The following MSRB3 variants were observed in gnomAD, a reference collection of about 807,000 sequenced individuals.
The protein encoded by MSRB3 is methionine-R-sulfoxide reductase B3.
In MSRB3, 13 loss-of-function variants were observed where a neutral mutation model predicts 21.0. The ratio of observed to expected loss-of-function variants is 0.62; its 90% CI spans 0.40 to 0.98. The LOEUF (loss-of-function observed/expected upper bound fraction) is 0.98, where lower values mean the gene tolerates loss of function less well. MSRB3 is among the 50% of genes least tolerant of loss of function. The pLI is 0.00. For missense variants in MSRB3, 199 were observed against 230.3 expected (o/e 0.86, Z 0.88); for synonymous variants, 87 against 88.6 (o/e 0.98, Z 0.10).
rs796149617 is a variant in MSRB3, at chr12:65,282,676, G to GTTT, written c.-52+3826_-52+3828dup. Among the ~76,000 whole-genome samples, 72 of 133,762 alleles carry GTTT rather than the reference G, an allele frequency of 5.4e-4. 1 individual carries two copies. Among genetic ancestry groups the GTTT allele is most frequent in the African/African-American group, 1.1e-3 (38 of 36,054 alleles). 87.8% of individuals were successfully genotyped at this position (133,762 alleles called of 152,430 possible). On this transcript the variant is annotated intron_variant, in intron 1 of 6. Coordinates refer to ENST00000308259, the MANE Select transcript of MSRB3 (RefSeq NM_001031679.3). ...GCTTCACTGTTTTTTCTTTGCTGGT[G>GTTT]TTTTTTTTTTTTTTTTTCTCTTCAT...
chr12:65,460,485 G>T, intron 6 of MSRB3, among the ~76,000 whole-genome samples: 1 of 152,202 alleles, frequency 6.6e-6, no homozygotes. Context: ...CGGCAGTGGG[G>T]CGGGGATGTA....
At position 65,393,551 on chromosome 12, in the gene MSRB3, A is replaced by T. The variant is rs571829583; in HGVS notation, c.292+24525A>T. ...GAGGCTGAGGCACGAGAATGGCGTG[A>T]ACCTGGGAGGCGGAGCTTGCGGTGA... is the stretch of plus-strand genomic sequence containing the variant. On this transcript the variant is annotated intron_variant, in intron 5 of 6. Transcript: ENST00000308259. Among the ~76,000 whole-genome samples, 16 of 150,594 alleles carry T rather than the reference A, an allele frequency of 1.1e-4. No individual in the cohort carries two copies. The South Asian group carries it at 3.1e-3, about 30-fold the overall frequency.
chr12:65,425,048 T>TATATTTAGGTCTTCTGGTTTTGGTTTTA (rs368731964), intron 5 of MSRB3, among the ~76,000 whole-genome samples: 1 of 64,570 alleles, frequency 1.5e-5, no homozygotes, highest in East Asian at 3.7e-4. Context: ...TATATGTATA[T>TATATTTAGGTCTTCTGGTTTTGGTTTTA]TATATATATT....
At chr12:65,381,037 A>T (rs1487895883) in intron 5 of MSRB3, among the ~76,000 whole-genome samples, 1 of 152,134 alleles carries the variant, frequency 6.6e-6, no homozygotes, top group African/African-American at 2.4e-5. Flanking sequence ...TGAGAAATAG[A>T]TTTTGAAGGT....
intron 4 of MSRB3, among the ~76,000 whole-genome samples, chr12:65,329,103 T>G (rs73318472): frequency 0.026 from 4,026 of 152,296 alleles, 191 homozygotes; most frequent in African/African-American, 0.092. Context: ...AATATGAGGT[T>G]AACAGTTTTT....
chr12:65,368,350 G>C (rs563906594), intron 4 of MSRB3, among the ~76,000 whole-genome samples: 1 of 152,312 alleles, frequency 6.6e-6, no homozygotes, highest in South Asian at 2.1e-4. Context: ...TTTTATAGTA[G>C]CTTGTGTAGA....
intron 6 of MSRB3, among the ~76,000 whole-genome samples, chr12:65,457,632 A>G (rs1362122107): frequency 6.6e-6 from 1 of 152,198 alleles, no homozygotes; most frequent in Non-Finnish European, 1.5e-5. Context: ...TTTGCACAAC[A>G]AAAGAAACTA....
chr12:65,405,349 C>T (rs1381314715), intron 5 of MSRB3, among the ~76,000 whole-genome samples: 1 of 151,952 alleles, frequency 6.6e-6, no homozygotes, highest in Non-Finnish European at 1.5e-5. Flanking sequence ...TACATAATGT[C>T]CTCTAGGTTC....
intron 5 of MSRB3, among the ~76,000 whole-genome samples, chr12:65,388,574 T>G (rs1471568239): frequency 6.6e-6 from 1 of 152,186 alleles, no homozygotes; most frequent in Non-Finnish European, 1.5e-5. Flanking sequence ...CCAGGCACTT[T>G]TATAAAAGAA....
chr12:65,394,916 T>C (rs1879693608), intron 5 of MSRB3, among the ~76,000 whole-genome samples: 1 of 152,168 alleles, frequency 6.6e-6, no homozygotes, highest in Admixed American at 6.5e-5. Context: ...GAAAACTTCC[T>C]AACTCAATAA....
At chr12:65,453,023 A>G (rs1002686117) in intron 5 of MSRB3, among the ~76,000 whole-genome samples, 20 of 152,200 alleles carry the variant, frequency 1.3e-4, no homozygotes, top group Non-Finnish European at 2.9e-5. Flanking sequence ...CAAGTTTCTT[A>G]AAGTGTGCAT....
intron 4 of MSRB3, among the ~76,000 whole-genome samples, chr12:65,360,819 A>G (rs1022716862): frequency 3.4e-4 from 51 of 152,160 alleles, no homozygotes; most frequent in African/African-American, 1.2e-3. Flanking sequence ...ACTCAAGTGC[A>G]TTGTGCCACT....
chr12:65,321,666 A>T (rs1317720951), intron 2 of MSRB3, among the ~76,000 whole-genome samples: 1 of 152,190 alleles, frequency 6.6e-6, no homozygotes, highest in East Asian at 1.9e-4. Flanking sequence ...ACAAAAAATG[A>T]TAGTTATGGT....
At chr12:65,440,949 G>C (rs1336978950) in intron 5 of MSRB3, among the ~76,000 whole-genome samples, 1 of 151,880 alleles carries the variant, frequency 6.6e-6, no homozygotes. Flanking sequence ...AGTGGAGTAA[G>C]ACTTAAATAT....
intron 2 of MSRB3, among the ~76,000 whole-genome samples, chr12:65,310,806 A>G (rs921532527): frequency 1.3e-5 from 2 of 152,242 alleles, no homozygotes; most frequent in Non-Finnish European, 2.9e-5. Context: ...CAAATTCTGT[A>G]TGAGGTCAGA....
intron 4 of MSRB3, among the ~76,000 whole-genome samples, chr12:65,357,157 C>A (rs1877432720): frequency 6.6e-6 from 1 of 151,806 alleles, no homozygotes; most frequent in African/African-American, 2.4e-5. Flanking sequence ...CACCCAGTTA[C>A]CGGAGCAAAA....
At chr12:65,302,270 A>G (rs1034456036) in intron 1 of MSRB3, among the ~76,000 whole-genome samples, 2 of 152,132 alleles carry the variant, frequency 1.3e-5, no homozygotes, top group African/African-American at 4.8e-5. Flanking sequence ...TATAGAGATG[A>G]AAGAATACAA....
At chr12:65,375,546 C>T (rs1343805839) in intron 5 of MSRB3, among the ~76,000 whole-genome samples, 1 of 152,092 alleles carries the variant, frequency 6.6e-6, no homozygotes, top group Non-Finnish European at 1.5e-5. Flanking sequence ...CAAGTGACCT[C>T]CTGCCTCAGT....
chr12:65,453,693 T>C (rs748329626), intron 5 of MSRB3, 35 bp from the exon 6 acceptor site: 2 of 1,493,430 alleles, frequency 1.3e-6, no homozygotes, highest in South Asian at 1.1e-5. Flanking sequence ...GTATCTCTCC[T>C]CTCTGCTTTG....
Sources: allele counts gnomAD v4.1 joint callset (sites outside exome capture counted in the v4.1 genomes callset), GRCh38; gene constraint gnomAD v4.1.1; transcripts MANE v1.5; gene names NCBI Gene and HGNC (gene_info 2026-07-23, HGNC 2026-07-21).